Variants in MFHAS1 observed in about 807,000 individuals in gnomAD.
MFHAS1 encodes multifunctional ROCO family signaling regulator 1.
Under a neutral mutation model 70.4 loss-of-function variants are expected in MFHAS1, and 50 were observed. The observed-to-expected ratio is 0.71, with a 90% CI of 0.57 to 0.90. The LOEUF (loss-of-function observed/expected upper bound fraction) is 0.90. MFHAS1 is among the 40% of genes least tolerant of loss of function. The pLI, the probability that MFHAS1 is intolerant of heterozygous loss-of-function variation, is 0.00. For synonymous variants in MFHAS1, 952 were observed against 620.0 expected, an observed-to-expected ratio of 1.54 and a Z score of -7.96; for missense variants, 1,795 against 1,347.6, an observed-to-expected ratio of 1.33 and a Z score of -5.20.
At chr8:8,846,330 TAGGAGGGGG>T (rs1442644999) in intron 1 of MFHAS1, among the ~76,000 whole-genome samples, 56 of 34,556 alleles carry the variant, frequency 1.6e-3, no homozygotes, top group Admixed American at 4.1e-3. Flanking sequence ...GAAGGAGGAG[TAGGAGGGGG>T]AGGAGGGGGA....
intron 2 of MFHAS1, among the ~76,000 whole-genome samples, chr8:8,794,885 G>A (rs1342531474): frequency 2.0e-5 from 3 of 152,110 alleles, no homozygotes; most frequent in East Asian, 1.9e-4. Flanking sequence ...GGTTCAATAC[G>A]CTGTCGAGAG....
intron 1 of MFHAS1, among the ~76,000 whole-genome samples, chr8:8,812,749 G>C (rs773010711): frequency 6.6e-6 from 1 of 152,126 alleles, no homozygotes; most frequent in Non-Finnish European, 1.5e-5. Context: ...ATAAAATACA[G>C]TCAGGCACTG....
chr8:8,883,190 C>G (rs1349731270), intron 1 of MFHAS1, among the ~76,000 whole-genome samples: 8 of 151,994 alleles, frequency 5.3e-5, no homozygotes, highest in Non-Finnish European at 2.9e-5. Context: ...AAAAGCTGAA[C>G]CAGAGAGGAC....
chr8:8,836,926 G>A (rs1033113683), intron 1 of MFHAS1, among the ~76,000 whole-genome samples: 1 of 151,938 alleles, frequency 6.6e-6, no homozygotes, highest in Non-Finnish European at 1.5e-5. Flanking sequence ...TATTTAAAAT[G>A]ACCCTTTAAA....
At chr8:8,887,661 T>C (rs1003116509) in intron 1 of MFHAS1, among the ~76,000 whole-genome samples, 2 of 151,298 alleles carry the variant, frequency 1.3e-5, no homozygotes, top group Non-Finnish European at 2.9e-5. Context: ...AATTTTACAA[T>C]TTTTCAATCA....
intron 1 of MFHAS1, among the ~76,000 whole-genome samples, chr8:8,882,059 A>C (rs4841062): frequency 0.22 from 33,808 of 152,106 alleles, 4,702 homozygotes; most frequent in African/African-American, 0.39. Context: ...GACAATGACA[A>C]TGGCTTCCTT....
At chr8:8,871,617 GAGACT>G (rs1372553622) in intron 1 of MFHAS1, among the ~76,000 whole-genome samples, 1 of 152,126 alleles carries the variant, frequency 6.6e-6, no homozygotes, top group African/African-American at 2.4e-5. Flanking sequence ...AACATCTAAG[GAGACT>G]CTGATAGCAG....
chr8:8,796,135 G>T (rs1027864109), intron 2 of MFHAS1, among the ~76,000 whole-genome samples: 1 of 152,134 alleles, frequency 6.6e-6, no homozygotes, highest in African/African-American at 2.4e-5. Context: ...AAACCAACAG[G>T]ATGAGTGTTA....
chr8:8,884,689 G>A (rs1339330056), intron 1 of MFHAS1, among the ~76,000 whole-genome samples: 1 of 152,194 alleles, frequency 6.6e-6, no homozygotes, highest in Non-Finnish European at 1.5e-5. Context: ...CTCAGGCAGG[G>A]CATGGTGGCT....
chr8:8,826,663 G>A (rs994674013), intron 1 of MFHAS1, among the ~76,000 whole-genome samples: 3 of 152,216 alleles, frequency 2.0e-5, no homozygotes, highest in African/African-American at 7.2e-5. Flanking sequence ...AACCCAGAAG[G>A]TGGAGGCTGC....
chr8:8,837,368 C>T (rs958858775), intron 1 of MFHAS1, among the ~76,000 whole-genome samples: 6 of 152,142 alleles, frequency 3.9e-5, no homozygotes, highest in African/African-American at 7.2e-5. Context: ...CTTGGCCAGG[C>T]GCAGTGGCTC....
chr8:8,853,478 A>C (rs950871723), intron 1 of MFHAS1, among the ~76,000 whole-genome samples: 17 of 151,544 alleles, frequency 1.1e-4, no homozygotes, highest in Non-Finnish European at 2.4e-4. Context: ...AAAAAAAAAA[A>C]AAAAAAAAAA....
At chr8:8,813,335 G>C (rs1249964646) in intron 1 of MFHAS1, among the ~76,000 whole-genome samples, 1 of 152,142 alleles carries the variant, frequency 6.6e-6, no homozygotes. Flanking sequence ...CATTCTTTTA[G>C]GGTGTACTCC....
chr8:8,786,378 A>T (rs970624342), intron 2 of MFHAS1, among the ~76,000 whole-genome samples: 7 of 152,236 alleles, frequency 4.6e-5, no homozygotes, highest in Admixed American at 4.6e-4. Context: ...CTAACAACCC[A>T]AAACTCTAAA....
At chr8:8,804,500 A>C (rs1243281349) in intron 1 of MFHAS1, among the ~76,000 whole-genome samples, 1 of 152,240 alleles carries the variant, frequency 6.6e-6, no homozygotes, top group Admixed American at 6.5e-5. Context: ...CACAGAGTAC[A>C]ATCGGTAGGG....
chr8:8,819,050 C>G (rs138517266), intron 1 of MFHAS1, among the ~76,000 whole-genome samples: 93 of 152,218 alleles, frequency 6.1e-4, no homozygotes, highest in African/African-American at 2.2e-3. Flanking sequence ...TCAAAATGCT[C>G]ATCAATAGAA....
chr8:8,850,563 C>T (rs535089215), intron 1 of MFHAS1, among the ~76,000 whole-genome samples: 3 of 152,044 alleles, frequency 2.0e-5, no homozygotes, highest in Admixed American at 6.6e-5. Flanking sequence ...CACCCAGGGT[C>T]GGGTGCGGTA....
intron 1 of MFHAS1, among the ~76,000 whole-genome samples, chr8:8,870,949 G>A (rs1434147841): frequency 2.6e-5 from 4 of 152,104 alleles, no homozygotes; most frequent in African/African-American, 7.2e-5. Flanking sequence ...TGACAGGAGC[G>A]TCACTCTGTT....
At chr8:8,889,398 T>C (rs1457107465) in intron 1 of MFHAS1, among the ~76,000 whole-genome samples, 1 of 152,238 alleles carries the variant, frequency 6.6e-6, no homozygotes, top group African/African-American at 2.4e-5. Context: ...TCATCCATTG[T>C]TCACTCCAAT....
Sources: gnomAD v4.1 joint callset for allele counts (sites outside exome capture counted in the v4.1 genomes callset) on GRCh38, gnomAD v4.1.1 for gene constraint, MANE v1.5 for transcripts, NCBI Gene and HGNC (gene_info 2026-07-23, HGNC 2026-07-21) for gene names.